MCHR2: variants seen among roughly 807,000 people sequenced by gnomAD.
MCHR2 encodes the protein melanin-concentrating hormone receptor 2.
A neutral mutation model predicts 24.8 loss-of-function variants in MCHR2; 15 were observed. The observed-to-expected ratio is 0.60, with a 90% CI of 0.40 to 0.93. The LOEUF (loss-of-function observed/expected upper bound fraction) is 0.93. MCHR2 is among the 40% of genes least tolerant of loss of function. MCHR2 has a pLI of 0.00. For synonymous variants in MCHR2, 151 were observed against 147.6 expected, an observed-to-expected ratio of 1.02 and a Z score of -0.17; for missense variants, 386 against 408.7, an observed-to-expected ratio of 0.94 and a Z score of 0.48.
chr6:99,971,687 T>A (rs576828531), intron 1 of MCHR2, among the ~76,000 whole-genome samples: 57 of 152,190 alleles, frequency 3.7e-4, no homozygotes, highest in Admixed American at 2.4e-3. Flanking sequence ...ACATGATATT[T>A]GCTGTGGGCT....
In MCHR2 at chr6:99,920,751, A is replaced by G; in HGVS notation, c.*189T>C. On this transcript the variant is annotated 3_prime_UTR_variant, in exon 6 of 6. Transcript: ENST00000281806. ...TTCCCTACCCACAATATAGATCAAC[A>G]TTTTACATCTTGCTAAAGTTAGCAT... The G allele has an allele frequency of 1.6e-6, 1 of 608,196 alleles. No homozygotes were observed. The highest frequency in any genetic ancestry group is 2.8e-5 in the East Asian group (1 of 35,396). 37.7% of individuals were successfully genotyped at this position (608,196 alleles called of 1,614,324 possible).
At chr6:99,977,507 C>G (rs1775574529) in intron 1 of MCHR2, among the ~76,000 whole-genome samples, 3 of 152,060 alleles carry the variant, frequency 2.0e-5, no homozygotes, top group South Asian at 4.1e-4. Context: ...TTCATGGGCT[C>G]TAGACACTTT....
intron 4 of MCHR2, among the ~76,000 whole-genome samples, chr6:99,942,300 C>G (rs1231943978): frequency 1.3e-5 from 2 of 152,114 alleles, no homozygotes; most frequent in African/African-American, 4.8e-5. Flanking sequence ...TATGCCCCCT[C>G]CTACCCTCTC....
At chr6:99,930,581 A>G (rs967189532) in intron 5 of MCHR2, among the ~76,000 whole-genome samples, 3 of 139,092 alleles carry the variant, frequency 2.2e-5, no homozygotes, top group African/African-American at 7.5e-5. Flanking sequence ...GCTTCATTTC[A>G]TTCATTTCAT....
intron 4 of MCHR2, among the ~76,000 whole-genome samples, chr6:99,937,456 G>A (rs568709946): frequency 6.6e-6 from 1 of 152,044 alleles, no homozygotes; most frequent in East Asian, 1.9e-4. Flanking sequence ...GGCATTTATT[G>A]AAATAATCAT....
chr6:99,965,819 T>C (rs1775286875), intron 1 of MCHR2, among the ~76,000 whole-genome samples: 1 of 152,158 alleles, frequency 6.6e-6, no homozygotes, highest in African/African-American at 2.4e-5. Context: ...TGTATAGCAA[T>C]TTTTATGATC....
At position 99,921,153 on chromosome 6, in the gene MCHR2, T is replaced by C; in HGVS notation, c.810A>G (p.Ile270Met). The C allele has an allele frequency of 4.3e-6, 7 of 1,614,170 alleles. No homozygotes were observed. Among genetic ancestry groups the C allele is most frequent in the South Asian group, 1.1e-5 (1 of 91,086 alleles). The change falls in exon 6 of 6, where the codon ATA becomes ATG. Residue 270 changes from isoleucine to methionine, a missense_variant. Coordinates refer to ENST00000281806, the MANE Select transcript of MCHR2 (RefSeq NM_001040179.2). ...GTTCCATCTGTAAGTTCACCAGTTG[T>C]ATCACATGATAAGGGGCAGCACTCA... The part of the protein sequence containing the change: ...FILSAAPYHV[I>M]QLVNLQMEQP...
chr6:99,987,681 A>G (rs1775794953), intron 1 of MCHR2, among the ~76,000 whole-genome samples: 1 of 152,236 alleles, frequency 6.6e-6, no homozygotes, highest in Admixed American at 6.5e-5. Flanking sequence ...TGAAAGCAAA[A>G]GAGATCAAAA....
intron 1 of MCHR2, 129 bp from the exon 2 acceptor site, chr6:99,956,303 G>T: frequency 1.6e-6 from 1 of 612,590 alleles, no homozygotes; most frequent in Middle Eastern, 4.6e-4. Context: ...AGGATCCCAG[G>T]GTGAGTATGA....
intron 5 of MCHR2, among the ~76,000 whole-genome samples, chr6:99,929,611 C>G (rs371646887): frequency 1.3e-5 from 2 of 151,670 alleles, no homozygotes; most frequent in Non-Finnish European, 3.0e-5. Flanking sequence ...TTTGTCTCTT[C>G]TGATCTTTGT....
At chr6:99,978,576 G>A (rs572116124) in intron 1 of MCHR2, among the ~76,000 whole-genome samples, 58 of 151,910 alleles carry the variant, frequency 3.8e-4, no homozygotes, top group African/African-American at 1.2e-3. Context: ...CCACCACCAC[G>A]CCCAGCTAAT....
At chr6:99,921,281 AG>A in intron 5 of MCHR2, 26 bp from the exon 6 acceptor site, 1 of 1,600,382 alleles carries the variant, frequency 6.2e-7, no homozygotes, top group Non-Finnish European at 8.5e-7. Context: ...TCAGATAGAC[AG>A]GGTATAAACA....
rs564605874 is a variant in MCHR2 at position 99,918,909 on chromosome 6, T to C, written c.*2031A>G. Among the ~76,000 whole-genome samples, 28 of 152,334 alleles carry C rather than the reference T, an allele frequency of 1.8e-4. No individual in the cohort carries two copies. The highest frequency in any genetic ancestry group is 6.5e-4 in the African/African-American group (27 of 41,578). ...ATTTGAGGACTATTGGGACTGCTAC[T>C]AGAAAAAGGTCTGTGGTTTAAAGCT... is the stretch of plus-strand genomic sequence containing the variant. On this transcript the variant is annotated 3_prime_UTR_variant, in exon 6 of 6. Transcript: ENST00000281806.
intron 1 of MCHR2, among the ~76,000 whole-genome samples, chr6:99,980,564 T>C (rs900793510): frequency 5.9e-5 from 9 of 151,786 alleles, no homozygotes; most frequent in South Asian, 2.1e-4. Flanking sequence ...TGTGTGTGTG[T>C]GCGCTCACGC....
intron 2 of MCHR2, among the ~76,000 whole-genome samples, chr6:99,949,957 G>T (rs1774937468): frequency 1.3e-5 from 2 of 151,684 alleles, no homozygotes; most frequent in East Asian, 1.9e-4. Flanking sequence ...TCTATAAATA[G>T]ATGTTATTTT....
intron 1 of MCHR2, among the ~76,000 whole-genome samples, chr6:99,975,292 T>C (rs533420687): frequency 1.3e-5 from 2 of 152,216 alleles, no homozygotes; most frequent in East Asian, 1.9e-4. Context: ...CTTCCCCCAG[T>C]CTCGCTGCCG....
At chr6:99,937,078 G>A (rs899670925) in intron 4 of MCHR2, among the ~76,000 whole-genome samples, 1 of 151,830 alleles carries the variant, frequency 6.6e-6, no homozygotes, top group Admixed American at 6.6e-5. Context: ...TGACTTTACT[G>A]AATTCATTTA....
chr6:99,943,742 T>C (rs1774823891), intron 3 of MCHR2, among the ~76,000 whole-genome samples: 1 of 152,210 alleles, frequency 6.6e-6, no homozygotes, highest in African/African-American at 2.4e-5. Flanking sequence ...AACCACTCAC[T>C]GAAATAGTTG....
intron 4 of MCHR2, 126 bp downstream of exon 4, chr6:99,942,823 T>A: frequency 1.5e-6 from 1 of 688,280 alleles, no homozygotes; most frequent in Non-Finnish European, 2.3e-6. Flanking sequence ...TGGAGAAACC[T>A]AATGGAGATA....
Sources: gnomAD v4.1 joint callset for allele counts (sites outside exome capture counted in the v4.1 genomes callset) on GRCh38, gnomAD v4.1.1 for gene constraint, MANE v1.5 for transcripts, NCBI Gene and HGNC (gene_info 2026-07-23, HGNC 2026-07-21) for gene names.